The following FLT3 variants were observed in gnomAD, a reference collection of about 807,000 sequenced individuals.
FLT3 encodes fms related receptor tyrosine kinase 3.
A neutral mutation model predicts 126.6 loss-of-function variants in FLT3; 46 were observed. The ratio of observed to expected loss-of-function variants is 0.36; its 90% CI spans 0.29 to 0.46. The LOEUF (loss-of-function observed/expected upper bound fraction) is 0.46, where lower values mean the gene tolerates loss of function less well. FLT3 is among the 20% of genes least tolerant of loss of function. FLT3 has a pLI of 1.00. For missense variants in FLT3, 1,069 were observed against 1,190.3 expected (o/e 0.90, Z 1.50); for synonymous variants, 404 against 434.4 (o/e 0.93, Z 0.87).
At chr13:28,009,341 C>T (rs542739325) in intron 23 of FLT3, 1 of 152,350 alleles carries the variant, frequency 6.6e-6, no homozygotes, top group South Asian at 2.1e-4. Flanking sequence ...TGTGGCTGCT[C>T]CTGCTTCAGA....
chr13:28,079,749 G>C (rs565042937), intron 1 of FLT3, among the ~76,000 whole-genome samples: 1 of 152,070 alleles, frequency 6.6e-6, no homozygotes, highest in East Asian at 1.9e-4. Flanking sequence ...AGGATAGCAC[G>C]GGAAAGACCA....
chr13:28,080,443 C>T (rs981496108), intron 1 of FLT3, among the ~76,000 whole-genome samples: 1 of 152,150 alleles, frequency 6.6e-6, no homozygotes, highest in Non-Finnish European at 1.5e-5. Flanking sequence ...AAAAAATATC[C>T]AAACTATATC....
In FLT3 at chr13:28,028,272, A is replaced by T. The variant is rs142515613; in HGVS notation, c.1959T>A (p.Ser653=). 53 of 1,591,702 alleles carry T rather than the reference A, an allele frequency of 3.3e-5. No homozygotes were observed. In the African/African-American group the frequency reaches 5.5e-4, roughly 17 times the overall value. Residue 653 remains serine, a synonymous_variant, in exon 16 of 24, where the codon TCT becomes TCA. Coordinates refer to ENST00000241453, the MANE Select transcript of FLT3 (RefSeq NM_004119.3). ...GTTCTGACATGAGTGCCTCTCTTTCAGAGCTGTCTGCTTTTTCTGTCAAAG... is the reference window on the plus strand; with the variant it reads ...GTTCTGACATGAGTGCCTCTCTTTCTGAGCTGTCTGCTTTTTCTGTCAAAG... ...VKMLKEKADS[S]EREALMSELK...
chr13:28,090,525 C>T (rs902708751), intron 1 of FLT3, among the ~76,000 whole-genome samples: 1 of 152,130 alleles, frequency 6.6e-6, no homozygotes, highest in Non-Finnish European at 1.5e-5. Flanking sequence ...CACTTATAAT[C>T]CCAGTACTTT....
In FLT3 at chr13:28,024,787, T is replaced by C. The variant is rs995589107; in HGVS notation, c.2290+74A>G. On this transcript the variant is annotated intron_variant, in intron 18 of 23. Transcript: ENST00000241453. ...AAAATGCTTTTGTGTTTACACACTT[T>C]TAAAAAATAGCTAACATAAAACTTT... 2.8e-6 allele frequency: 3 copies of C among 1,077,384 alleles called. No homozygotes were observed. In the Admixed American group the frequency reaches 6.8e-5, roughly 24 times the overall value. The allele number at this position is 1,077,384 out of a possible 1,614,324, so 66.7% of individuals were successfully genotyped here.
chr13:28,079,450 C>T (rs976737628), intron 1 of FLT3, among the ~76,000 whole-genome samples: 10 of 152,158 alleles, frequency 6.6e-5, no homozygotes, highest in Non-Finnish European at 1.3e-4. Context: ...TACCCAGTTC[C>T]AAAGACACTT....
intron 23 of FLT3, among the ~76,000 whole-genome samples, chr13:28,008,716 T>C (rs375280309): frequency 1.3e-5 from 2 of 152,062 alleles, no homozygotes; most frequent in African/African-American, 4.8e-5. Flanking sequence ...TGACCTCAGG[T>C]GATCCACTCG....
rs746369529 is a variant in FLT3, at chr13:28,034,432, C to T, written c.1598-25G>A. The T allele has an allele frequency of 1.6e-5, 24 of 1,496,022 alleles. No homozygotes were observed. In the African/African-American group the frequency reaches 2.6e-4, roughly 16 times the overall value. 92.7% of individuals were successfully genotyped at this position (1,496,022 alleles called of 1,614,324 possible). A position where few individuals can be genotyped will look rare whatever the true frequency, so the allele number is the denominator to read the frequency against. ...CCTGCAACAAAAGAGTGTCACTCAGCGATGAAACAGAATTCCTGTGTGACA... is the reference window on the plus strand; with the variant it reads ...CCTGCAACAAAAGAGTGTCACTCAGTGATGAAACAGAATTCCTGTGTGACA... On this transcript the variant is annotated intron_variant, in intron 12 of 23. Transcript: ENST00000241453.
chr13:28,045,597 C>T (rs535361500), intron 9 of FLT3, among the ~76,000 whole-genome samples: 3 of 152,238 alleles, frequency 2.0e-5, no homozygotes, highest in African/African-American at 7.2e-5. Flanking sequence ...CGGTGGCTCA[C>T]GCCTGTAATC....
At position 28,052,581 on chromosome 13, in the gene FLT3, A is replaced by T. The variant is rs1875615172; in HGVS notation, c.578T>A (p.Ile193Asn). Residue 193 changes from isoleucine (I) to asparagine (N), a missense_variant, in exon 5 of 24, where the codon ATC (isoleucine) becomes AAC (asparagine). Ile to Asn is a moderately radical substitution (Grantham distance 149, BLOSUM62 -3). Transcript: ENST00000241453. ...VCISESVPEP[I>N]VEWVLCDSQG... ...TGAATCGCAAAGCACCCATTCCACG[A>T]TCGGCTCTGGAACGCTCTCAGATAT... The T allele has an allele frequency of 6.2e-7, 1 of 1,613,818 alleles. No homozygotes were observed. The highest frequency in any genetic ancestry group is 1.7e-5 in the Admixed American group (1 of 59,966).
At chr13:28,036,621 A>T (rs921849079) in intron 10 of FLT3, among the ~76,000 whole-genome samples, 1 of 152,276 alleles carries the variant, frequency 6.6e-6, no homozygotes, top group African/African-American at 2.4e-5. Flanking sequence ...ATAAAGTCAT[A>T]ACACTAATTC....
rs565610237 is a variant in FLT3, at chr13:28,016,985, A to T, written c.2542-1284T>A. ...ATCAACGCTATGAGGTAAGTGCATA[A>T]CCCTCATGGGAAACACTACAACATA... On this transcript the variant is annotated intron_variant, in intron 20 of 23. Transcript: ENST00000241453. Among the ~76,000 whole-genome samples the T allele has an allele frequency of 8.5e-5, 13 of 152,216 alleles. No homozygotes were observed. The East Asian group carries it at 2.5e-3, about 29-fold the overall frequency.
intron 22 of FLT3, among the ~76,000 whole-genome samples, chr13:28,014,792 G>A (rs1159225764): frequency 6.6e-6 from 1 of 152,148 alleles, no homozygotes; most frequent in Non-Finnish European, 1.5e-5. Context: ...GACCTTCATG[G>A]AGCCCTCAAG....
Position 28,039,609 on chromosome 13 carries a change from C to T in FLT3, c.1206-2321G>A, listed in dbSNP as rs185639550. On this transcript the variant is annotated intron_variant, in intron 9 of 23. Coordinates refer to ENST00000241453, the MANE Select transcript of FLT3 (RefSeq NM_004119.3). ...TGTCGCCCAGGCTGGAGTTCAGTGGCGTGATCTTGGCTCACTGCAACCTCT... is the reference window on the plus strand; with the variant it reads ...TGTCGCCCAGGCTGGAGTTCAGTGGTGTGATCTTGGCTCACTGCAACCTCT... Among the ~76,000 whole-genome samples the T allele has an allele frequency of 9.2e-3, 1,313 of 143,300 alleles. 28 individuals are homozygous for T. The highest frequency in any genetic ancestry group is 0.032 in the African/African-American group (1,204 of 37,406). 94.0% of individuals were successfully genotyped at this position (143,300 alleles called of 152,430 possible).
chr13:28,089,859 C>T lies in FLT3; in HGVS notation c.43+10609G>A, dbSNP rs183703614. ...AAGCAATTCTCCTGCCTCAGCCTCC[C>T]GAGTAACTAGGATTAAAGGCGCCTG... On this transcript the variant is annotated intron_variant, in intron 1 of 23. Transcript: ENST00000241453. Among the ~76,000 whole-genome samples, 305 of 151,556 alleles carry T rather than the reference C, an allele frequency of 2.0e-3. 2 individuals are homozygous for T. The highest frequency in any genetic ancestry group is 6.4e-3 in the African/African-American group (265 of 41,164).
intron 1 of FLT3, among the ~76,000 whole-genome samples, chr13:28,091,208 T>C (rs1879013798): frequency 4.1e-5 from 2 of 48,370 alleles, no homozygotes; most frequent in South Asian, 1.7e-3. Context: ...CCCCATTTTC[T>C]TTTTTTTTTT....
At chr13:28,072,403 T>C (rs991456753) in intron 1 of FLT3, among the ~76,000 whole-genome samples, 3 of 151,916 alleles carry the variant, frequency 2.0e-5, no homozygotes, top group African/African-American at 7.3e-5. Flanking sequence ...CTCTCTCTCT[T>C]TTTTTTAAAT....
At chr13:28,024,982 C>T (rs780425575) in intron 17 of FLT3, 39 bp from the exon 18 acceptor site, 1 of 1,076,794 alleles carries the variant, frequency 9.3e-7, no homozygotes, top group Non-Finnish European at 1.4e-6. Context: ...TTACATTATT[C>T]TTCTCAGCAG....
In FLT3 at chr13:28,023,312, C is replaced by CT. The variant is rs5802459; in HGVS notation, c.2418+37dup. 3,716 of 1,058,334 alleles carry CT rather than the reference C, an allele frequency of 3.5e-3. 77 individuals are homozygous for CT. The African/African-American group carries it at 0.05, about 14-fold the overall frequency. 65.6% of individuals were successfully genotyped at this position (1,058,334 alleles called of 1,614,324 possible). The stretch of plus-strand genomic sequence containing the variant: ...CATATATAAGCACATCTTTTCAAAT[C>CT]TTTTTTTTGGTTTGTTTTTTCTTTA... On this transcript the variant is annotated intron_variant, in intron 19 of 23. Transcript: ENST00000241453.
Sources: allele counts gnomAD v4.1 joint callset (sites outside exome capture counted in the v4.1 genomes callset), GRCh38; gene constraint gnomAD v4.1.1; transcripts MANE v1.5; gene names NCBI Gene and HGNC (gene_info 2026-07-23, HGNC 2026-07-21).